The following RCC1L variants were observed in gnomAD, a reference collection of about 807,000 sequenced individuals.
RCC1L encodes the protein RCC1 like, also known as RCC1-like G exchanging factor-like protein.
In RCC1L, 46 loss-of-function variants were observed where a neutral mutation model predicts 58.6. The observed-to-expected ratio is 0.79, with a 90% CI of 0.62 to 1.00. RCC1L has a LOEUF of 1.00. Among genes scored for constraint, RCC1L ranks in the 50% least tolerant of loss-of-function variants. RCC1L has a pLI of 0.00. For missense variants in RCC1L, 636 were observed against 623.6 expected, an observed-to-expected ratio of 1.02 and a Z score of -0.21; for synonymous variants, 281 against 262.9, an observed-to-expected ratio of 1.07 and a Z score of -0.67.
In RCC1L at chr7:75,042,885, T is replaced by G; in HGVS notation, c.*147A>C. The G allele has an allele frequency of 6.7e-7, 1 of 1,489,876 alleles. No individual in the cohort carries two copies. Among genetic ancestry groups the G allele is most frequent in the Non-Finnish European group, 9.0e-7 (1 of 1,113,204 alleles). 92.3% of individuals were successfully genotyped at this position (1,489,876 alleles called of 1,614,324 possible). A position where few individuals can be genotyped will look rare whatever the true frequency, so the allele number is the denominator to read the frequency against. ...CCTGATCCTCCTGGTAGGTACCCGCTAAGGGATTCAGGACAGAGCGTCACA... is the reference window on the plus strand; with the variant it reads ...CCTGATCCTCCTGGTAGGTACCCGCGAAGGGATTCAGGACAGAGCGTCACA... On this transcript the variant is annotated 3_prime_UTR_variant, in exon 11 of 11. Coordinates refer to ENST00000610322, the MANE Select transcript of RCC1L (RefSeq NM_030798.5).
At chr7:75,060,911 G>C (rs1043761304) in intron 6 of RCC1L, among the ~76,000 whole-genome samples, 4 of 151,940 alleles carry the variant, frequency 2.6e-5, no homozygotes, top group Non-Finnish European at 4.4e-5. Context: ...GCGAAACCCT[G>C]TTGTTACAAA....
chr7:75,049,560 T>G (rs1271354860), intron 10 of RCC1L, among the ~76,000 whole-genome samples: 1 of 151,840 alleles, frequency 6.6e-6, no homozygotes, highest in Non-Finnish European at 1.5e-5. Context: ...ACATCTCAGT[T>G]ACTTGTGGGG....
In RCC1L at chr7:75,066,691, A is replaced by T. The variant is rs782073863; in HGVS notation, c.556T>A (p.Ser186Thr). The T allele has an allele frequency of 6.2e-7, 1 of 1,613,146 alleles. No individual in the cohort carries two copies. Among genetic ancestry groups the T allele is most frequent in the Non-Finnish European group, 8.5e-7 (1 of 1,179,536 alleles). The change falls in exon 3 of 11, where the codon TCT becomes ACT. Residue 186 changes from serine (S) to threonine (T), a missense_variant. Transcript: ENST00000610322. ...CCTTCCCTGTCAGTCAACACAAGAG[A>T]GTGAGCTCGGCCGCAGGAGACCTGC... ...VLQVSCGRAH[S>T]LVLTDREGVF... is the part of the protein sequence containing the mutation.
intron 1 of RCC1L, among the ~76,000 whole-genome samples, chr7:75,071,779 T>C (rs1292558953): frequency 6.6e-6 from 1 of 152,120 alleles, no homozygotes; most frequent in Non-Finnish European, 1.5e-5. Flanking sequence ...TTTACCTCTA[T>C]ATCTGTTTCT....
At chr7:75,047,456 TCTCA>T (rs1805760261) in intron 10 of RCC1L, among the ~76,000 whole-genome samples, 1 of 151,882 alleles carries the variant, frequency 6.6e-6, no homozygotes, top group Admixed American at 6.6e-5. Context: ...AGAGATGGAG[TCTCA>T]CTATGTTGCC....
intron 10 of RCC1L, among the ~76,000 whole-genome samples, chr7:75,051,349 CACACACATATATAT>C (rs1411238777): frequency 2.7e-5 from 4 of 147,404 alleles, no homozygotes; most frequent in Non-Finnish European, 6.0e-5. Flanking sequence ...TATATATACA[CACACACATATATAT>C]ACACACATAT....
chr7:75,066,204 C>T (rs1328188202), intron 3 of RCC1L, among the ~76,000 whole-genome samples: 3 of 152,056 alleles, frequency 2.0e-5, no homozygotes, highest in East Asian at 3.9e-4. Context: ...GTAATCCCAG[C>T]ACTTTGGGAG....
intron 5 of RCC1L, among the ~76,000 whole-genome samples, chr7:75,062,154 C>A (rs1282666602): frequency 1.1e-4 from 10 of 92,474 alleles, no homozygotes; most frequent in Non-Finnish European, 2.0e-4. Flanking sequence ...TGCCACTGCA[C>A]TAAAATAAAA....
chr7:75,063,339 T>A lies in RCC1L; in HGVS notation c.655A>T (p.Ser219Cys). ...KVVENEIYSE[S>C]HRVHRMQDFD... ...TCCTGCATCCTGTGGACTCTGTGAC[T>A]TTCACTACAGCCAGGAACAAATTGG... The change falls in exon 5 of 11, where the codon AGT becomes TGT. Residue 219 changes from serine (S) to cysteine (C), a missense_variant. By Grantham distance (112) the Ser-to-Cys change is moderately radical. Coordinates refer to ENST00000610322, the MANE Select transcript of RCC1L (RefSeq NM_030798.5). 1 of 1,613,820 alleles carries A rather than the reference T, an allele frequency of 6.2e-7. No homozygotes were observed. The highest frequency in any genetic ancestry group is 1.1e-5 in the South Asian group (1 of 91,068).
chr7:75,030,460 T>G (rs1322591860), intron 10 of RCC1L, among the ~76,000 whole-genome samples: 7 of 152,156 alleles, frequency 4.6e-5, no homozygotes, highest in African/African-American at 1.7e-4. Flanking sequence ...ACCCCACTTG[T>G]CAGAACTACT....
At chr7:75,065,789 G>C (rs1806451856) in intron 3 of RCC1L, among the ~76,000 whole-genome samples, 1 of 151,828 alleles carries the variant, frequency 6.6e-6, no homozygotes, top group Admixed American at 6.6e-5. Flanking sequence ...AGACCGAGGT[G>C]GGCGGATCAC....
chr7:75,064,746 ACTCACC>A, intron 3 of RCC1L, 98 bp from the exon 4 acceptor site: 1 of 1,314,908 alleles, frequency 7.6e-7, no homozygotes, highest in Non-Finnish European at 1.1e-6. Context: ...CGTCCTGGTT[ACTCACC>A]CCCACCCCCC....
chr7:75,056,773 C>T (rs1806094073), intron 8 of RCC1L: 1 of 1,489,368 alleles, frequency 6.7e-7, no homozygotes, highest in Non-Finnish European at 9.1e-7. Flanking sequence ...ACTTCATTCA[C>T]ACCCTGTAAT....
intron 10 of RCC1L, among the ~76,000 whole-genome samples, chr7:75,028,962 G>T (rs1043851773): frequency 6.6e-6 from 1 of 152,040 alleles, no homozygotes; most frequent in Non-Finnish European, 1.5e-5. Flanking sequence ...GGAAGGAGCT[G>T]GGGGATCAGA....
intron 2 of RCC1L, among the ~76,000 whole-genome samples, chr7:75,068,699 A>G (rs920714318): frequency 6.6e-6 from 1 of 152,072 alleles, no homozygotes; most frequent in African/African-American, 2.4e-5. Context: ...AACAAACAAA[A>G]AAGATATCTG....
intron 9 of RCC1L, chr7:75,055,488 C>G: frequency 4.2e-6 from 1 of 238,814 alleles, no homozygotes; most frequent in South Asian, 5.8e-5. Flanking sequence ...ATCCCATATC[C>G]TGGGTCAGAT....
In RCC1L at chr7:75,032,233, G is replaced by T. The variant is rs990422461; in HGVS notation, c.1318-4154C>A. 9.4e-4 allele frequency among the ~76,000 whole-genome samples: 136 copies of T among 144,874 alleles called. 1 individual carries two copies. The highest frequency in any genetic ancestry group is 3.4e-3 in the African/African-American group (127 of 37,752). ...GCCAGGCCTGGGAGTGGGGACGGTGGGGGGAAGGAGTTGGACGGGGCCTTT... is the reference window on the plus strand; with the variant it reads ...GCCAGGCCTGGGAGTGGGGACGGTGTGGGGAAGGAGTTGGACGGGGCCTTT... On this transcript the variant is annotated intron_variant, in intron 10 of 10. Coordinates refer to the RCC1L transcript ENST00000614461.
chr7:75,043,757 G>A (rs2131977383), intron 10 of RCC1L, among the ~76,000 whole-genome samples: 1 of 152,314 alleles, frequency 6.6e-6, no homozygotes, highest in East Asian at 1.9e-4. Context: ...AGAGGCTGCA[G>A]TGAGCCAAGA....
At chr7:75,054,488 T>G (rs1806016134) in intron 9 of RCC1L, among the ~76,000 whole-genome samples, 1 of 152,186 alleles carries the variant, frequency 6.6e-6, no homozygotes, top group East Asian at 1.9e-4. Flanking sequence ...GTCAAATGCT[T>G]CACACAGATT....
Sources: allele counts gnomAD v4.1 joint callset (sites outside exome capture counted in the v4.1 genomes callset), GRCh38; gene constraint gnomAD v4.1.1; transcripts MANE v1.5; gene names NCBI Gene and HGNC (gene_info 2026-07-23, HGNC 2026-07-21).